The following PYHIN1 variants were observed in gnomAD, a reference collection of about 807,000 sequenced individuals.
PYHIN1 encodes pyrin and HIN domain-containing protein 1.
Under a neutral mutation model 43.7 loss-of-function variants are expected in PYHIN1, and 32 were observed. The ratio of observed to expected loss-of-function variants is 0.73; its 90% CI spans 0.55 to 0.98. The LOEUF is 0.98. Among genes scored for constraint, PYHIN1 ranks in the 50% least tolerant of loss-of-function variants. The pLI, the probability that PYHIN1 is intolerant of heterozygous loss-of-function variation, is 0.00. For synonymous variants in PYHIN1, 205 were observed against 203.1 expected (o/e 1.01, Z -0.08); for missense variants, 588 against 589.5 (o/e 1.00, Z 0.03).
chr1:158,973,536 C>CACAT (rs2101737181), intron 7 of PYHIN1, 111 bp from the exon 8 acceptor site: 3 of 1,014,462 alleles, frequency 3.0e-6, no homozygotes, highest in Non-Finnish European at 1.5e-6. Context: ...CACACACACA[C>CACAT]ATATACACAC....
intron 7 of PYHIN1, among the ~76,000 whole-genome samples, chr1:158,949,385 T>C (rs1160859722): frequency 6.6e-6 from 1 of 152,192 alleles, no homozygotes; most frequent in Non-Finnish European, 1.5e-5. Flanking sequence ...TGTTTTGTTT[T>C]GTTTTTATTA....
intron 7 of PYHIN1, among the ~76,000 whole-genome samples, chr1:158,966,243 C>T (rs1650625778): frequency 6.6e-6 from 1 of 151,974 alleles, no homozygotes; most frequent in Non-Finnish European, 1.5e-5. Flanking sequence ...AAAAGTCTAC[C>T]AACTAAAAGT....
chr1:158,949,528 C>T (rs1364224227), intron 7 of PYHIN1, among the ~76,000 whole-genome samples: 1 of 126,974 alleles, frequency 7.9e-6, no homozygotes, highest in Non-Finnish European at 1.6e-5. Flanking sequence ...GCTCTCCCTT[C>T]CCCCTCCCCC....
the PYHIN1 span, among the ~76,000 whole-genome samples, chr1:158,985,899 G>C: frequency 6.6e-6 from 1 of 152,022 alleles, no homozygotes; most frequent in African/African-American, 2.4e-5. Flanking sequence ...TTGAAGAACT[G>C]ATCTTCAAGC....
the PYHIN1 span, among the ~76,000 whole-genome samples, chr1:158,982,716 T>G: frequency 1.4e-4 from 21 of 152,220 alleles, no homozygotes; most frequent in African/African-American, 5.1e-4. Flanking sequence ...ATTGAATCTG[T>G]AAATTGCTCT....
rs764418003 is a variant in PYHIN1 at position 158,973,720 on chromosome 1, C to A, written c.1433C>A (p.Pro478His). The change falls in exon 8 of 9, where the codon CCT becomes CAT. Residue 478 changes from proline to histidine, a missense_variant. Coordinates refer to ENST00000368140, the MANE Select transcript of PYHIN1 (RefSeq NM_152501.5). Reference protein sequence around the residue: ...FRITSPTVAPPLSSDTSTNRH... With the variant: ...FRITSPTVAPHLSSDTSTNRH... ...ATCACCTCACCAACTGTGGCCCCTC[C>A]TCTTTCTTCTGACACTTCCACCAAC... 6.2e-7 allele frequency: 1 copy of A among 1,613,154 alleles called. No individual in the cohort carries two copies. The highest frequency in any genetic ancestry group is 8.5e-7 in the Non-Finnish European group (1 of 1,179,552).
intron 7 of PYHIN1, among the ~76,000 whole-genome samples, chr1:158,964,142 G>T (rs1019753476): frequency 6.6e-6 from 1 of 152,090 alleles, no homozygotes; most frequent in Admixed American, 6.6e-5. Flanking sequence ...AAACCTCAGG[G>T]CTCAAAGAAA....
chr1:158,934,560 C>CT (rs1266179477), intron 1 of PYHIN1, among the ~76,000 whole-genome samples: 1 of 151,916 alleles, frequency 6.6e-6, no homozygotes, highest in Non-Finnish European at 1.5e-5. Flanking sequence ...TTCAGTTTCA[C>CT]TATATGTCTT....
chr1:158,971,607 C>A (rs1650936900), intron 7 of PYHIN1, among the ~76,000 whole-genome samples: 1 of 151,984 alleles, frequency 6.6e-6, no homozygotes, highest in Non-Finnish European at 1.5e-5. Context: ...TCAGTATCCC[C>A]AAACAACTGA....
downstream of PYHIN1, among the ~76,000 whole-genome samples, chr1:158,977,780 C>T (rs867159130): frequency 4.6e-5 from 7 of 152,082 alleles, no homozygotes; most frequent in African/African-American, 1.4e-4. Flanking sequence ...AATTTACTTT[C>T]GAAGTGACAC....
rs758357475 is a variant in PYHIN1, at chr1:158,936,927, A to AG, written c.18dup (p.Lys7GlufsTer13). 3.2e-6 allele frequency: 5 copies of AG among 1,583,890 alleles called. No homozygotes were observed. The highest frequency in any genetic ancestry group is 4.3e-6 in the Non-Finnish European group (5 of 1,167,670). Reference sequence around the variant, plus strand: ...TCTTTAGAGATGGCAAATAACTACAAGAAAATTGTTCTACTGAAAGGATTA... The same window carrying AG: ...TCTTTAGAGATGGCAAATAACTACAAGGAAAATTGTTCTACTGAAAGGATTA... On this transcript the variant is annotated frameshift_variant, in exon 2 of 9. Transcript: ENST00000368140. LOFTEE classifies it high-confidence loss of function.
At chr1:158,958,771 G>A (rs144064755) in intron 7 of PYHIN1, among the ~76,000 whole-genome samples, 21 of 135,712 alleles carry the variant, frequency 1.5e-4, no homozygotes, top group East Asian at 4.2e-4. Context: ...AAAAAGAAAA[G>A]AAAAAAAATA....
the PYHIN1 span, among the ~76,000 whole-genome samples, chr1:158,987,679 A>G: frequency 1.7e-4 from 26 of 152,280 alleles, no homozygotes; most frequent in African/African-American, 6.3e-4. Context: ...CTCACATTTA[A>G]GAGTTTTGAT....
chr1:158,978,354 C>T (rs997328773), downstream of PYHIN1, among the ~76,000 whole-genome samples: 11 of 151,622 alleles, frequency 7.3e-5, no homozygotes, highest in African/African-American at 1.2e-4. Context: ...TTGAAGCCAC[C>T]GAATTTTTTC....
chr1:158,967,928 T>C (rs1212198529), intron 7 of PYHIN1, among the ~76,000 whole-genome samples: 1 of 151,952 alleles, frequency 6.6e-6, no homozygotes, highest in East Asian at 1.9e-4. Context: ...CCTTACACCA[T>C]ATACAAAAGT....
chr1:158,958,713 A>G (rs569828402), intron 7 of PYHIN1, among the ~76,000 whole-genome samples: 1 of 151,140 alleles, frequency 6.6e-6, no homozygotes, highest in African/African-American at 2.4e-5. Flanking sequence ...ATATGTAACT[A>G]ACCTGCACAA....
At chr1:158,956,764 C>T (rs1336057443) in intron 7 of PYHIN1, among the ~76,000 whole-genome samples, 13 of 148,318 alleles carry the variant, frequency 8.8e-5, no homozygotes, top group Non-Finnish European at 1.6e-4. Flanking sequence ...GGCAATTAGG[C>T]AGGAGAAGGA....
chr1:158,936,231 C>T (rs1358444956), intron 1 of PYHIN1, among the ~76,000 whole-genome samples: 1 of 110,614 alleles, frequency 9.0e-6, no homozygotes, highest in Non-Finnish European at 1.7e-5. Context: ...CCACAACAGT[C>T]CCCAGTGTGC....
At chr1:158,958,623 A>G (rs1483447382) in intron 7 of PYHIN1, among the ~76,000 whole-genome samples, 2 of 137,018 alleles carry the variant, frequency 1.5e-5, no homozygotes, top group African/African-American at 2.6e-5. Context: ...GGGGGAGGGG[A>G]AAGGGATAGC....
Sources: allele counts gnomAD v4.1 joint callset (sites outside exome capture counted in the v4.1 genomes callset), GRCh38; gene constraint gnomAD v4.1.1; transcripts MANE v1.5; gene names NCBI Gene and HGNC (gene_info 2026-07-23, HGNC 2026-07-21).